Variants in GATAD2A observed in about 807,000 individuals in gnomAD.
GATAD2A encodes transcriptional repressor p66-alpha.
In GATAD2A, 12 loss-of-function variants were observed where a neutral mutation model predicts 68.5. The ratio of observed to expected loss-of-function variants is 0.18; its 90% CI spans 0.11 to 0.28. GATAD2A has a LOEUF of 0.28. Ranked by LOEUF, GATAD2A falls within the 10% of genes least tolerant of loss-of-function variation. The probability of loss-of-function intolerance (pLI) is 1.00; values close to 1 mark genes in which losing one functional copy is unlikely to be tolerated. For missense variants in GATAD2A, 755 were observed against 868.5 expected, an observed-to-expected ratio of 0.87 and a Z score of 1.64; for synonymous variants, 410 against 375.3, an observed-to-expected ratio of 1.09 and a Z score of -1.07.
intron 6 of GATAD2A, 65 bp from the exon 7 acceptor site, chr19:19,495,987 C>T: frequency 6.3e-7 from 1 of 1,585,686 alleles, no homozygotes; most frequent in Non-Finnish European, 8.6e-7. Flanking sequence ...TGCCCTGTGC[C>T]TTCCGGTCCC....
chr19:19,494,210 G>A, intron 4 of GATAD2A, 84 bp from the exon 5 acceptor site: 1 of 700,812 alleles, frequency 1.4e-6, no homozygotes, highest in African/African-American at 1.8e-5. Flanking sequence ...GTCCTCTTCG[G>A]CAGCATTAAA....
At chr19:19,392,408 T>C (rs1446744372) in intron 1 of GATAD2A, among the ~76,000 whole-genome samples, 2 of 150,864 alleles carry the variant, frequency 1.3e-5, no homozygotes, top group Admixed American at 1.3e-4. Flanking sequence ...TTTTTTTTTT[T>C]TCCAGACAGA....
upstream of GATAD2A, among the ~76,000 whole-genome samples, chr19:19,405,535 T>A (rs992425808): frequency 3.3e-5 from 5 of 151,918 alleles, no homozygotes; most frequent in Admixed American, 6.5e-5. Context: ...AGGTGTCGCG[T>A]GGGAGCGCGC....
chr19:19,408,037 C>A (rs1439562376), intron 1 of GATAD2A, among the ~76,000 whole-genome samples: 2 of 152,228 alleles, frequency 1.3e-5, no homozygotes, highest in African/African-American at 4.8e-5. Flanking sequence ...CGGAGTCTCG[C>A]TCTGTCATCC....
chr19:19,419,192 TG>T (rs2052027620), intron 1 of GATAD2A, among the ~76,000 whole-genome samples: 1 of 152,244 alleles, frequency 6.6e-6, no homozygotes, highest in Admixed American at 6.5e-5. Flanking sequence ...CGAGGGACCC[TG>T]GCTTGCTCCT....
At chr19:19,488,565 T>G (rs537549708) in intron 2 of GATAD2A, among the ~76,000 whole-genome samples, 1 of 152,374 alleles carries the variant, frequency 6.6e-6, no homozygotes, top group African/African-American at 2.4e-5. Context: ...AACCTTTTGC[T>G]GTGGAAGTGG....
At chr19:19,503,672 GTT>G (rs58161113) in intron 11 of GATAD2A, among the ~76,000 whole-genome samples, 1 of 150,064 alleles carries the variant, frequency 6.7e-6, no homozygotes, top group African/African-American at 2.5e-5. Context: ...GTGTGTGTGT[GTT>G]TAAAGTTTGA....
chr19:19,483,235 C>G (rs1240610165), intron 2 of GATAD2A, among the ~76,000 whole-genome samples: 4 of 152,220 alleles, frequency 2.6e-5, no homozygotes, highest in Non-Finnish European at 5.9e-5. Flanking sequence ...CAGACTCTCT[C>G]TCTTTTTCCT....
At chr19:19,390,975 TC>T (rs898187342) in intron 1 of GATAD2A, among the ~76,000 whole-genome samples, 10 of 151,868 alleles carry the variant, frequency 6.6e-5, no homozygotes, top group African/African-American at 1.9e-4. Context: ...CACCTCAAGC[TC>T]CCAAGGCCCA....
At chr19:19,505,275 A>G (rs2060812737) in intron 11 of GATAD2A, 69 bp from the exon 12 acceptor site, 3 of 1,517,376 alleles carry the variant, frequency 2.0e-6, no homozygotes, top group African/African-American at 2.8e-5. Flanking sequence ...CTAGGCAGCT[A>G]TGGCTGGGCT....
At chr19:19,470,990 T>A in intron 2 of GATAD2A, among the ~76,000 whole-genome samples, 1 of 152,188 alleles carries the variant, frequency 6.6e-6, no homozygotes, top group Non-Finnish European at 1.5e-5. Flanking sequence ...GCACAGTGGC[T>A]CACGCCTGTA....
intron 1 of GATAD2A, chr19:19,441,631 G>A (rs2055094004): frequency 1.2e-5 from 2 of 173,900 alleles, no homozygotes; most frequent in South Asian, 1.7e-4. Flanking sequence ...GCGTGATTTC[G>A]GCTCCTTGCA....
chr19:19,505,302 C>T, intron 11 of GATAD2A, 42 bp from the exon 12 acceptor site: 1 of 1,604,420 alleles, frequency 6.2e-7, no homozygotes, highest in Non-Finnish European at 8.5e-7. Context: ...AGGAGCCCTC[C>T]TGACGAGGGC....
chr19:19,460,939 C>T (rs1022520022), intron 1 of GATAD2A, among the ~76,000 whole-genome samples: 1 of 152,200 alleles, frequency 6.6e-6, no homozygotes, highest in Non-Finnish European at 1.5e-5. Flanking sequence ...TCCACCCAGC[C>T]CCCGTCCCTC....
chr19:19,484,785 G>C (rs1026549824), intron 2 of GATAD2A, among the ~76,000 whole-genome samples: 1 of 151,922 alleles, frequency 6.6e-6, no homozygotes, highest in Non-Finnish European at 1.5e-5. Context: ...CGCCCACCTC[G>C]GCCTCCCAAA....
intron 1 of GATAD2A, among the ~76,000 whole-genome samples, chr19:19,443,101 A>T (rs576906019): frequency 7.9e-4 from 121 of 152,320 alleles, no homozygotes; most frequent in Non-Finnish European, 1.8e-4. Flanking sequence ...AAATAGCCAC[A>T]TGTGGCTAAT....
intron 2 of GATAD2A, among the ~76,000 whole-genome samples, chr19:19,491,813 C>T (rs183003301): frequency 1.3e-4 from 20 of 152,300 alleles, no homozygotes; most frequent in African/African-American, 4.3e-4. Context: ...ATCTGGTTCA[C>T]GCAGGGAGCT....
chr19:19,425,329 A>T (rs2052950352), intron 1 of GATAD2A, among the ~76,000 whole-genome samples: 1 of 152,046 alleles, frequency 6.6e-6, no homozygotes, highest in African/African-American at 2.4e-5. Flanking sequence ...ATCCTCCCAA[A>T]TTTTTTTATT....
chr19:19,415,619 T>TA (rs2051520962), intron 1 of GATAD2A, among the ~76,000 whole-genome samples: 2 of 45,904 alleles, frequency 4.4e-5, no homozygotes, highest in African/African-American at 1.8e-4. Context: ...CGGGCTAATA[T>TA]TTTTTTTTTT....
Sources: gnomAD v4.1 joint callset for allele counts (sites outside exome capture counted in the v4.1 genomes callset) on GRCh38, gnomAD v4.1.1 for gene constraint, MANE v1.5 for transcripts, NCBI Gene and HGNC (gene_info 2026-07-23, HGNC 2026-07-21) for gene names.